PARD3B: variants seen among roughly 807,000 people sequenced by gnomAD.
PARD3B encodes the protein par-3 family cell polarity regulator beta.
A neutral mutation model predicts 130.2 loss-of-function variants in PARD3B; 103 were observed. That is an observed-to-expected ratio of 0.79 (90% CI 0.67 to 0.93). PARD3B has a LOEUF of 0.93. Among genes scored for constraint, PARD3B ranks in the 40% least tolerant of loss-of-function variants. The probability of loss-of-function intolerance (pLI) is 0.00; values close to 1 mark genes in which losing one functional copy is unlikely to be tolerated. For missense variants in PARD3B, 1,609 were observed against 1,499.2 expected, an observed-to-expected ratio of 1.07 and a Z score of -1.21; for synonymous variants, 583 against 553.2, an observed-to-expected ratio of 1.05 and a Z score of -0.76.
intron 2 of PARD3B, among the ~76,000 whole-genome samples, chr2:204,786,934 A>G (rs1308220958): frequency 6.6e-6 from 1 of 152,088 alleles, no homozygotes; most frequent in African/African-American, 2.4e-5. Flanking sequence ...CTCTGGAATA[A>G]TCGTGACTTA....
chr2:204,701,418 A>C (rs1337755179), intron 2 of PARD3B, among the ~76,000 whole-genome samples: 1 of 152,188 alleles, frequency 6.6e-6, no homozygotes, highest in Non-Finnish European at 1.5e-5. Flanking sequence ...TTACCTAGGT[A>C]GCTGAATATT....
intron 2 of PARD3B, among the ~76,000 whole-genome samples, chr2:204,922,261 A>G (rs1265706737): frequency 3.9e-5 from 6 of 152,146 alleles, no homozygotes; most frequent in Non-Finnish European, 1.5e-5. Context: ...AAGAGAAGCA[A>G]ATAAGCAGTG....
At position 205,383,138 on chromosome 2, in the gene PARD3B, A is replaced by AGATC. The variant is rs759620397; in HGVS notation, c.2631-17870_2631-17867dup. On this transcript the variant is annotated intron_variant, in intron 18 of 22. Coordinates refer to ENST00000406610, the MANE Select transcript of PARD3B (RefSeq NM_001302769.2). ...TAGATAGATAGATAGATAGATAGAT[A>AGATC]GATCGATCTAAACTATGTCTACACA... 9.4e-3 allele frequency among the ~76,000 whole-genome samples: 1,300 copies of AGATC among 138,480 alleles called. 20 individuals are homozygous for AGATC. The highest frequency in any genetic ancestry group is 0.024 in the African/African-American group (853 of 35,484). 90.8% of individuals were successfully genotyped at this position (138,480 alleles called of 152,430 possible). A position where few individuals can be genotyped will look rare whatever the true frequency, so the allele number is the denominator to read the frequency against.
intron 3 of PARD3B, among the ~76,000 whole-genome samples, chr2:204,987,403 A>C (rs182911397): frequency 6.6e-6 from 1 of 152,246 alleles, no homozygotes; most frequent in Non-Finnish European, 1.5e-5. Flanking sequence ...GCTTTCATGA[A>C]GAATATTTCT....
intron 3 of PARD3B, among the ~76,000 whole-genome samples, chr2:205,008,057 A>G (rs971172593): frequency 1.3e-5 from 2 of 152,148 alleles, no homozygotes; most frequent in Admixed American, 6.5e-5. Flanking sequence ...AGCTTCAATA[A>G]CAAAAACAAA....
rs1356626843 is a variant in PARD3B at position 204,799,508 on chromosome 2, G to C, written c.222+113226G>C. Among the ~76,000 whole-genome samples, 1 of 152,186 alleles carries C rather than the reference G, an allele frequency of 6.6e-6. No individual in the cohort carries two copies. Among genetic ancestry groups the C allele is most frequent in the Non-Finnish European group, 1.5e-5 (1 of 68,034 alleles). On this transcript the variant is annotated intron_variant, in intron 2 of 22. Coordinates refer to ENST00000406610, the MANE Select transcript of PARD3B (RefSeq NM_001302769.2). The surrounding 1 kb of genome is among the most constrained non-coding windows in gnomAD (Gnocchi z 4.1). ...CCCATCTGCTCACTGAAGAGCCCTTGGGCCGTGAGTGAACATTCACAGCCA... is the reference window on the plus strand; with the variant it reads ...CCCATCTGCTCACTGAAGAGCCCTTCGGCCGTGAGTGAACATTCACAGCCA...
At chr2:205,490,213 T>G (rs202204236) in intron 20 of PARD3B, among the ~76,000 whole-genome samples, 61,653 of 151,362 alleles carry the variant, frequency 0.41, 13,003 homozygotes, top group Admixed American at 0.5. Flanking sequence ...GCTGCACCCG[T>G]TAACTCGTCA....
At chr2:204,978,151 C>T (rs149994909) in intron 3 of PARD3B, among the ~76,000 whole-genome samples, 97 of 152,228 alleles carry the variant, frequency 6.4e-4, no homozygotes, top group Middle Eastern at 6.8e-3. Flanking sequence ...TCCAGGGGGC[C>T]AGAACAGGGC....
chr2:204,895,931 G>A (rs970759593), intron 2 of PARD3B, among the ~76,000 whole-genome samples: 8 of 152,196 alleles, frequency 5.3e-5, no homozygotes, highest in Non-Finnish European at 1.0e-4. Context: ...AAGGTAGACA[G>A]GATATAAACA....
chr2:205,434,287 T>C (rs903443027), intron 19 of PARD3B, among the ~76,000 whole-genome samples: 108 of 152,230 alleles, frequency 7.1e-4, no homozygotes, highest in African/African-American at 2.6e-3. Context: ...TATTTATTTT[T>C]TCATTGAATG....
At chr2:205,320,143 G>T (rs932834452) in intron 18 of PARD3B, among the ~76,000 whole-genome samples, 2 of 143,722 alleles carry the variant, frequency 1.4e-5, no homozygotes, top group Admixed American at 1.5e-4. Flanking sequence ...TCCAGCCTGG[G>T]CGACAGAGTG....
At chr2:205,035,607 C>G (rs1697763008) in intron 3 of PARD3B, among the ~76,000 whole-genome samples, 1 of 151,616 alleles carries the variant, frequency 6.6e-6, no homozygotes, top group Non-Finnish European at 1.5e-5. Flanking sequence ...GGCCCTGTAC[C>G]TTAGTATCAT....
At chr2:204,961,352 G>A (rs1690728290) in intron 2 of PARD3B, among the ~76,000 whole-genome samples, 1 of 152,098 alleles carries the variant, frequency 6.6e-6, no homozygotes, top group Non-Finnish European at 1.5e-5. Context: ...GTCAAATAGA[G>A]TGTATGGGAG....
intron 18 of PARD3B, among the ~76,000 whole-genome samples, chr2:205,313,099 G>A (rs1238265939): frequency 6.6e-6 from 1 of 152,164 alleles, no homozygotes; most frequent in Non-Finnish European, 1.5e-5. Flanking sequence ...TGTGAATAGG[G>A]CAAGTGATAT....
chr2:205,237,256 C>G (rs139945227), intron 15 of PARD3B, among the ~76,000 whole-genome samples: 1 of 152,048 alleles, frequency 6.6e-6, no homozygotes, highest in African/African-American at 2.4e-5. Flanking sequence ...TGTACCACCA[C>G]GCCAGGCTAA....
At chr2:205,486,624 C>T (rs73058142) in intron 20 of PARD3B, among the ~76,000 whole-genome samples, 7,555 of 152,048 alleles carry the variant, frequency 0.05, 294 homozygotes, top group South Asian at 0.13. Context: ...ACATCTTATG[C>T]GTCTGGAGCA....
At chr2:204,870,821 AT>A (rs1007820628) in intron 2 of PARD3B, among the ~76,000 whole-genome samples, 2 of 152,124 alleles carry the variant, frequency 1.3e-5, no homozygotes, top group Non-Finnish European at 2.9e-5. Context: ...AACTAGTTAA[AT>A]TTGCTTAAAT....
Position 205,615,594 on chromosome 2 carries a change from G to A in PARD3B, c.3399G>A (p.Arg1133=). 1.2e-6 allele frequency: 2 copies of A among 1,614,052 alleles called. No individual in the cohort carries two copies. Among genetic ancestry groups the A allele is most frequent in the Non-Finnish European group, 1.7e-6 (2 of 1,179,946 alleles). Residue 1133 remains arginine, a synonymous_variant, in exon 23 of 23, where the codon AGG becomes AGA. Coordinates refer to ENST00000406610, the MANE Select transcript of PARD3B (RefSeq NM_001302769.2). ...KGSYPRPTEL[R]VADLRYPQHY... is the part of the protein sequence containing the mutation. Reference sequence around the variant, plus strand: ...GCTATCCCCGCCCCACAGAGCTCAGGGTGGCAGATCTCCGGTATCCTCAGC... The same window carrying A: ...GCTATCCCCGCCCCACAGAGCTCAGAGTGGCAGATCTCCGGTATCCTCAGC...
Position 204,813,003 on chromosome 2 carries a change from A to G in PARD3B, c.222+126721A>G, listed in dbSNP as rs189502129. Among the ~76,000 whole-genome samples the G allele has an allele frequency of 3.6e-3, 541 of 152,286 alleles. 8 individuals carry two copies. The highest frequency in any genetic ancestry group is 0.013 in the African/African-American group (525 of 41,576). Reference sequence around the variant, plus strand: ...GCTTTCTCCAGTTTTTGATTATTACATAATTAAGGCTGCCATAATTATTTG... The same window carrying G: ...GCTTTCTCCAGTTTTTGATTATTACGTAATTAAGGCTGCCATAATTATTTG... On this transcript the variant is annotated intron_variant, in intron 2 of 22. Coordinates refer to ENST00000406610, the MANE Select transcript of PARD3B (RefSeq NM_001302769.2).
Sources: gnomAD v4.1 joint callset for allele counts (sites outside exome capture counted in the v4.1 genomes callset) on GRCh38, gnomAD v4.1.1 for gene constraint, Gnocchi (gnomAD v3.1) non-coding constraint, MANE v1.5 for transcripts, NCBI Gene and HGNC (gene_info 2026-07-23, HGNC 2026-07-21) for gene names.